Variants in NLGN1 observed in about 807,000 individuals in gnomAD.
NLGN1 encodes the protein neuroligin 1.
Under a neutral mutation model 65.5 loss-of-function variants are expected in NLGN1, and 12 were observed. The observed-to-expected ratio is 0.18, with a 90% CI of 0.12 to 0.30. NLGN1 has a LOEUF of 0.30. NLGN1 is among the 10% of genes least tolerant of loss of function. The probability of loss-of-function intolerance (pLI) is 1.00; values close to 1 mark genes in which losing one functional copy is unlikely to be tolerated. For missense variants in NLGN1, 750 were observed against 1,007.1 expected (o/e 0.74, Z 3.46); for synonymous variants, 350 against 359.5 (o/e 0.97, Z 0.30).
At chr3:174,209,282 C>T (rs1023743894) in intron 4 of NLGN1, among the ~76,000 whole-genome samples, 3 of 152,244 alleles carry the variant, frequency 2.0e-5, no homozygotes, top group African/African-American at 7.2e-5. Context: ...TAAAACCTAC[C>T]TCCATCCTTC....
intron 4 of NLGN1, among the ~76,000 whole-genome samples, chr3:173,999,637 G>A (rs1355808655): frequency 1.3e-5 from 2 of 151,956 alleles, no homozygotes; most frequent in Non-Finnish European, 2.9e-5. Context: ...TAACATTTTG[G>A]GAAGCTACTT....
At chr3:173,646,138 G>C (rs1190580256) in intron 3 of NLGN1, among the ~76,000 whole-genome samples, 2 of 152,020 alleles carry the variant, frequency 1.3e-5, no homozygotes, top group African/African-American at 4.8e-5. Flanking sequence ...CAGACACTTA[G>C]GTAGAAATTA....
intron 3 of NLGN1, among the ~76,000 whole-genome samples, chr3:173,771,600 A>G (rs922968488): frequency 6.1e-4 from 18 of 29,418 alleles, no homozygotes; most frequent in Non-Finnish European, 1.7e-3. Context: ...TGTTACCACC[A>G]TATTTTTAAA....
chr3:173,483,254 G>A (rs889117255), intron 2 of NLGN1, among the ~76,000 whole-genome samples: 3 of 151,938 alleles, frequency 2.0e-5, no homozygotes, highest in African/African-American at 7.2e-5. Context: ...TTTCATATCA[G>A]GATATAGTGG....
chr3:173,797,436 C>T (rs1201989926), intron 3 of NLGN1, among the ~76,000 whole-genome samples: 3 of 152,032 alleles, frequency 2.0e-5, no homozygotes, highest in South Asian at 2.1e-4. Context: ...CTAATAATAA[C>T]GTTTTATTTA....
chr3:174,076,728 T>A (rs199846407), intron 4 of NLGN1, among the ~76,000 whole-genome samples: 1,902 of 118,670 alleles, frequency 0.016, 24 homozygotes, highest in African/African-American at 0.044. Context: ...AGAGAGAGTG[T>A]GTGTGTGTGT....
At chr3:173,579,062 GTT>G (rs1266214529) in intron 2 of NLGN1, among the ~76,000 whole-genome samples, 1 of 152,186 alleles carries the variant, frequency 6.6e-6, no homozygotes, top group African/African-American at 2.4e-5. Flanking sequence ...ATTCAAGTCT[GTT>G]TTGAAAATCT....
chr3:173,450,198 T>C (rs370830469), intron 2 of NLGN1, among the ~76,000 whole-genome samples: 2 of 152,198 alleles, frequency 1.3e-5, no homozygotes, highest in African/African-American at 2.4e-5. Flanking sequence ...CAGTGGCTGG[T>C]ACTGGTTGTT....
At chr3:173,628,032 G>T (rs1415727055) in intron 3 of NLGN1, among the ~76,000 whole-genome samples, 3 of 152,046 alleles carry the variant, frequency 2.0e-5, no homozygotes, top group Admixed American at 6.6e-5. Flanking sequence ...CTTCCTGTCA[G>T]GTATTGCTCT....
Position 173,622,352 on chromosome 3 carries a change from A to C in NLGN1, c.493+17261A>C, listed in dbSNP as rs79940583. Among the ~76,000 whole-genome samples the C allele has an allele frequency of 6.9e-3, 1,052 of 152,216 alleles. 7 individuals carry two copies. The highest frequency in any genetic ancestry group is 0.024 in the African/African-American group (1,003 of 41,554). Reference sequence around the variant, plus strand: ...GAAAGCCACATGTCTTGCTGTGAGAAGTACAGATGGGACTGGTTAGGCTGT... The same window carrying C: ...GAAAGCCACATGTCTTGCTGTGAGACGTACAGATGGGACTGGTTAGGCTGT... On this transcript the variant is annotated intron_variant, in intron 3 of 6. Transcript: ENST00000457714.
intron 4 of NLGN1, among the ~76,000 whole-genome samples, chr3:173,864,747 TC>T (rs761927627): frequency 2.0e-5 from 3 of 151,654 alleles, no homozygotes; most frequent in Non-Finnish European, 4.4e-5. Flanking sequence ...AAGGCAGGAG[TC>T]CCCTCCATAG....
At chr3:173,492,775 A>G (rs2149019336) in intron 2 of NLGN1, among the ~76,000 whole-genome samples, 2 of 152,002 alleles carry the variant, frequency 1.3e-5, no homozygotes, top group Middle Eastern at 3.4e-3. Context: ...GGAAAGAGGA[A>G]TCTGTAATCT....
At chr3:173,779,278 G>A (rs1023035600) in intron 3 of NLGN1, among the ~76,000 whole-genome samples, 2 of 139,092 alleles carry the variant, frequency 1.4e-5, no homozygotes, top group African/African-American at 5.3e-5. Context: ...ATTGAACATA[G>A]ACTGCATTTT....
intron 4 of NLGN1, among the ~76,000 whole-genome samples, chr3:174,131,579 T>C (rs1720201133): frequency 6.6e-6 from 1 of 152,192 alleles, no homozygotes; most frequent in Non-Finnish European, 1.5e-5. Context: ...CATTATGTTA[T>C]ATGAAGATAA....
At chr3:174,029,102 G>A (rs1337410676) in intron 4 of NLGN1, among the ~76,000 whole-genome samples, 1 of 152,192 alleles carries the variant, frequency 6.6e-6, no homozygotes, top group Non-Finnish European at 1.5e-5. Context: ...CCTCACTGGG[G>A]CACTGCCTAC....
intron 4 of NLGN1, among the ~76,000 whole-genome samples, chr3:174,051,348 G>A (rs12492937): frequency 0.12 from 17,563 of 151,986 alleles, 1,078 homozygotes; most frequent in East Asian, 0.18. Context: ...ATACCACGTC[G>A]GAAAGGTTGC....
At chr3:173,458,761 G>C (rs1268270979) in intron 2 of NLGN1, among the ~76,000 whole-genome samples, 1 of 152,126 alleles carries the variant, frequency 6.6e-6, no homozygotes, top group African/African-American at 2.4e-5. Context: ...AAGGTTGCAT[G>C]TGGGAAGTTT....
At chr3:173,415,917 A>G (rs1404504737) in intron 1 of NLGN1, among the ~76,000 whole-genome samples, 2 of 138,990 alleles carry the variant, frequency 1.4e-5, no homozygotes, top group South Asian at 2.2e-4. Context: ...AGAGAGAGAG[A>G]GGGAGAGAGA....
At chr3:174,048,149 T>A (rs1734032574) in intron 4 of NLGN1, among the ~76,000 whole-genome samples, 1 of 152,082 alleles carries the variant, frequency 6.6e-6, no homozygotes, top group Non-Finnish European at 1.5e-5. Context: ...GAGTCAACAT[T>A]CTCAACACAT....
Sources: gnomAD v4.1 joint callset for allele counts (sites outside exome capture counted in the v4.1 genomes callset) on GRCh38, gnomAD v4.1.1 for gene constraint, MANE v1.5 for transcripts, NCBI Gene and HGNC (gene_info 2026-07-23, HGNC 2026-07-21) for gene names.